The following SULF1 variants were observed in gnomAD, a reference collection of about 807,000 sequenced individuals.
SULF1 encodes extracellular sulfatase Sulf-1.
SULF1 carries 46 observed loss-of-function variants against 110.5 expected under a neutral mutation model. The ratio of observed to expected loss-of-function variants is 0.42; its 90% CI spans 0.33 to 0.53. SULF1 has a LOEUF of 0.53. Ranked by LOEUF, SULF1 falls within the 20% of genes least tolerant of loss-of-function variation. The pLI is 0.12. For missense variants in SULF1, 941 were observed against 1,094.2 expected (o/e 0.86, Z 1.98); for synonymous variants, 371 against 387.1 (o/e 0.96, Z 0.49).
chr8:69,635,886 A>C (rs1267657255), intron 19 of SULF1, among the ~76,000 whole-genome samples: 1 of 151,942 alleles, frequency 6.6e-6, no homozygotes, highest in Non-Finnish European at 1.5e-5. Context: ...AAAAAAAAGT[A>C]AACTCTGTAG....
chr8:69,485,997 A>G (rs917770600), intron 1 of SULF1, among the ~76,000 whole-genome samples: 4 of 152,166 alleles, frequency 2.6e-5, no homozygotes, highest in Non-Finnish European at 5.9e-5. Context: ...ATTATTAATG[A>G]TTGTCAATCA....
intron 1 of SULF1, among the ~76,000 whole-genome samples, chr8:69,469,775 C>T (rs1397124526): frequency 6.6e-6 from 1 of 152,246 alleles, no homozygotes; most frequent in Non-Finnish European, 1.5e-5. Flanking sequence ...GGCACAGTGG[C>T]TCACGCCTGT....
At chr8:69,631,535 G>A (rs112031755) in intron 19 of SULF1, among the ~76,000 whole-genome samples, 3,552 of 152,320 alleles carry the variant, frequency 0.023, 128 homozygotes, top group African/African-American at 0.081. Context: ...CAGCCTGGGC[G>A]ATAGAGTGAG....
intron 3 of SULF1, among the ~76,000 whole-genome samples, chr8:69,534,749 A>G (rs889431716): frequency 2.0e-5 from 3 of 152,128 alleles, no homozygotes; most frequent in African/African-American, 7.2e-5. Context: ...CAAGCTTACA[A>G]ATTTATGAGC....
Position 69,660,430 on chromosome 8 carries a change from C to A in SULF1, c.*1895C>A, listed in dbSNP as rs1400317546. On this transcript the variant is annotated 3_prime_UTR_variant, in exon 23 of 23. Coordinates refer to ENST00000402687, the MANE Select transcript of SULF1 (RefSeq NM_001128205.2). ...GAAAATCTGTATTCTTGAAAATATC[C>A]TTGTTGTGTATTAGGTTTTTAAATA... The A allele has an allele frequency of 2.0e-5, 3 of 152,356 alleles. No homozygotes were observed. The highest frequency in any genetic ancestry group is 6.6e-5 in the Admixed American group (1 of 15,246). The allele number at this position is 152,356 out of a possible 1,614,324, so 9.4% of individuals were successfully genotyped here.
At chr8:69,564,810 C>T (rs150697448) in intron 5 of SULF1, among the ~76,000 whole-genome samples, 6 of 152,342 alleles carry the variant, frequency 3.9e-5, no homozygotes, top group East Asian at 3.9e-4. Context: ...CCCAGCCCTA[C>T]GGTCTTGTTC....
chr8:69,640,090 AG>A, intron 21 of SULF1, among the ~76,000 whole-genome samples: 1 of 150,010 alleles, frequency 6.7e-6, no homozygotes, highest in East Asian at 2.0e-4. Flanking sequence ...AGAGAGAGGG[AG>A]GGAGGGAGAG....
chr8:69,622,085 G>A (rs1473048169), intron 14 of SULF1, among the ~76,000 whole-genome samples: 1 of 152,140 alleles, frequency 6.6e-6, no homozygotes, highest in Non-Finnish European at 1.5e-5. Context: ...TGGGCTTCAG[G>A]GCCATGCCCT....
At chr8:69,594,035 A>C (rs1807100820) in intron 8 of SULF1, among the ~76,000 whole-genome samples, 1 of 152,038 alleles carries the variant, frequency 6.6e-6, no homozygotes. Flanking sequence ...CAGCTTTAAA[A>C]ATTTGTTGTT....
chr8:69,558,845 T>C (rs1241060859), intron 3 of SULF1, among the ~76,000 whole-genome samples: 1 of 152,110 alleles, frequency 6.6e-6, no homozygotes, highest in East Asian at 1.9e-4. Flanking sequence ...TACTTACAAG[T>C]GAAAACTGAG....
intron 3 of SULF1, among the ~76,000 whole-genome samples, chr8:69,554,371 A>G (rs1814936709): frequency 6.9e-6 from 1 of 145,878 alleles, no homozygotes; most frequent in Non-Finnish European, 1.5e-5. Flanking sequence ...TTTCAGGAAG[A>G]TTTATTTTAC....
At chr8:69,477,865 T>A (rs1809365426) in intron 1 of SULF1, among the ~76,000 whole-genome samples, 2 of 151,474 alleles carry the variant, frequency 1.3e-5, no homozygotes, top group Non-Finnish European at 2.9e-5. Flanking sequence ...CATTCTCCTT[T>A]GTTTTTTTTT....
intron 5 of SULF1, among the ~76,000 whole-genome samples, chr8:69,573,194 T>C (rs1041040439): frequency 6.6e-6 from 1 of 152,314 alleles, no homozygotes; most frequent in East Asian, 1.9e-4. Context: ...GGGGATCCAC[T>C]GTTGTCTTGG....
chr8:69,521,124 C>T (rs1812267790), intron 3 of SULF1, among the ~76,000 whole-genome samples: 1 of 152,142 alleles, frequency 6.6e-6, no homozygotes, highest in Non-Finnish European at 1.5e-5. Flanking sequence ...GAAGTCTCAA[C>T]AAAAGGGTTT....
intron 1 of SULF1, among the ~76,000 whole-genome samples, chr8:69,495,392 T>G (rs1810271062): frequency 6.6e-6 from 1 of 151,922 alleles, no homozygotes; most frequent in Admixed American, 6.6e-5. Flanking sequence ...AGACCCTGGC[T>G]CTTTAAAAAA....
At chr8:69,507,966 C>T (rs1811307219) in intron 3 of SULF1, among the ~76,000 whole-genome samples, 1 of 152,152 alleles carries the variant, frequency 6.6e-6, no homozygotes, top group Admixed American at 6.5e-5. Flanking sequence ...TGCTTTGGAT[C>T]GTGGCCATCA....
intron 1 of SULF1, among the ~76,000 whole-genome samples, chr8:69,479,628 A>T (rs529253373): frequency 6.6e-6 from 1 of 152,248 alleles, no homozygotes; most frequent in East Asian, 1.9e-4. Context: ...GAAACACAGA[A>T]TGTTGGAGGC....
At chr8:69,496,818 A>G (rs1011857360) in intron 2 of SULF1, among the ~76,000 whole-genome samples, 1 of 152,210 alleles carries the variant, frequency 6.6e-6, no homozygotes, top group African/African-American at 2.4e-5. Flanking sequence ...TGCAGTGTTT[A>G]AAGAGTGGAT....
At position 69,563,949 on chromosome 8, in the gene SULF1, C is replaced by G. The variant is rs1337493377; in HGVS notation, c.-27C>G. 1 of 1,604,936 alleles carries G rather than the reference C, an allele frequency of 6.2e-7. No individual in the cohort carries two copies. The highest frequency in any genetic ancestry group is 1.7e-5 in the Admixed American group (1 of 59,838). ...AAATCAGGAGACGGAGACATTTTGT[C>G]AGTTTTGCAACATTGGACCAAATAC... On this transcript the variant is annotated 5_prime_UTR_variant, in exon 5 of 23. Transcript: ENST00000402687.
Sources: gnomAD v4.1 joint callset for allele counts (sites outside exome capture counted in the v4.1 genomes callset) on GRCh38, gnomAD v4.1.1 for gene constraint, MANE v1.5 for transcripts, NCBI Gene and HGNC (gene_info 2026-07-23, HGNC 2026-07-21) for gene names.